The following SV2C variants were observed in gnomAD, a reference collection of about 807,000 sequenced individuals.
SV2C encodes the protein solute carrier family 22 member B3.
In SV2C, 49 loss-of-function variants were observed where a neutral mutation model predicts 79.7. The ratio of observed to expected loss-of-function variants is 0.61; its 90% CI spans 0.49 to 0.78. The LOEUF is 0.78. SV2C is among the 30% of genes least tolerant of loss of function. The pLI, the probability that SV2C is intolerant of heterozygous loss-of-function variation, is 0.00. For missense variants in SV2C, 833 were observed against 912.9 expected (o/e 0.91, Z 1.13); for synonymous variants, 334 against 333.2 (o/e 1.00, Z -0.03).
chr5:76,262,857 G>A (rs1746522640), intron 4 of SV2C, among the ~76,000 whole-genome samples: 1 of 152,120 alleles, frequency 6.6e-6, no homozygotes, highest in African/African-American at 2.4e-5. Context: ...CCAATTATGT[G>A]GTTTATTTTA....
intron 2 of SV2C, among the ~76,000 whole-genome samples, chr5:76,178,189 AC>A (rs771772563): frequency 2.6e-5 from 4 of 152,050 alleles, no homozygotes; most frequent in Non-Finnish European, 5.9e-5. Flanking sequence ...GCCTTTTATT[AC>A]CTAATCTTGA....
the SV2C span, chr5:75,910,652 C>A: frequency 9.9e-7 from 1 of 1,010,982 alleles, no homozygotes; most frequent in Admixed American, 1.7e-5. Flanking sequence ...GGATGCAGTG[C>A]AGAATGCCAA....
chr5:76,160,884 T>G lies in SV2C; in HGVS notation c.580+28554T>G, dbSNP rs111613154. ...AATCAGAAAGTCAGATAATAAGAAG[T>G]GTTGGCAAGGATTTGGAGAAATTGA... On this transcript the variant is annotated intron_variant, in intron 2 of 12. Transcript: ENST00000502798. Among the ~76,000 whole-genome samples the G allele has an allele frequency of 1.5e-3, 231 of 152,168 alleles. 1 individual carries two copies. The highest frequency in any genetic ancestry group is 5.2e-3 in the African/African-American group (216 of 41,528).
chr5:76,082,643 C>CT (rs1747033557), upstream of SV2C, among the ~76,000 whole-genome samples: 1 of 142,682 alleles, frequency 7.0e-6, no homozygotes, highest in South Asian at 2.5e-4. Flanking sequence ...CACCCCCCCC[C>CT]CCTCATATTT....
chr5:76,288,448 C>G (rs1187528476), intron 6 of SV2C, among the ~76,000 whole-genome samples: 1 of 152,140 alleles, frequency 6.6e-6, no homozygotes, highest in African/African-American at 2.4e-5. Flanking sequence ...GGACTCTCTT[C>G]TTTTGAGTAG....
chr5:75,911,384 G>C, the SV2C span: 1 of 1,183,860 alleles, frequency 8.4e-7, no homozygotes, highest in South Asian at 1.3e-5. Context: ...CCAAAGAAGA[G>C]AACCTATATC....
intron 4 of SV2C, among the ~76,000 whole-genome samples, chr5:76,228,768 CA>C (rs1257277785): frequency 6.7e-6 from 1 of 149,932 alleles, no homozygotes; most frequent in Admixed American, 6.6e-5. Flanking sequence ...TTAATTTTTA[CA>C]ACTCTTCTAT....
the SV2C span, among the ~76,000 whole-genome samples, chr5:75,944,257 C>T: frequency 1.3e-5 from 2 of 152,138 alleles, no homozygotes; most frequent in Non-Finnish European, 2.9e-5. Context: ...TTTGCCCACA[C>T]CCACTTTTGT....
chr5:76,068,182 G>T, the SV2C span, among the ~76,000 whole-genome samples: 1 of 152,020 alleles, frequency 6.6e-6, no homozygotes, highest in Non-Finnish European at 1.5e-5. Flanking sequence ...GGATAACATG[G>T]TTGTCAGTTT....
intron 12 of SV2C, among the ~76,000 whole-genome samples, chr5:76,317,815 C>A (rs552438431): frequency 6.6e-6 from 1 of 151,742 alleles, no homozygotes. Context: ...GGCAACAGAG[C>A]AAGGCCCTGC....
chr5:76,217,132 A>T (rs888588938), intron 4 of SV2C, among the ~76,000 whole-genome samples: 1 of 152,166 alleles, frequency 6.6e-6, no homozygotes. Context: ...CATGGCCTCT[A>T]TCTGGCTAGC....
the SV2C span, among the ~76,000 whole-genome samples, chr5:75,934,718 T>G: frequency 6.6e-6 from 1 of 152,172 alleles, no homozygotes; most frequent in African/African-American, 2.4e-5. Flanking sequence ...TCTTATTAAT[T>G]TCGCTTTTGA....
chr5:76,133,567 TTC>T (rs1748975717), intron 2 of SV2C, among the ~76,000 whole-genome samples: 1 of 152,210 alleles, frequency 6.6e-6, no homozygotes, highest in African/African-American at 2.4e-5. Context: ...TAGTATTTGT[TTC>T]TTTATGCTTA....
the SV2C span, among the ~76,000 whole-genome samples, chr5:75,997,830 C>T: frequency 6.6e-6 from 1 of 152,120 alleles, no homozygotes; most frequent in African/African-American, 2.4e-5. Context: ...ACCCAGCCAT[C>T]CCATTACGGG....
chr5:75,978,575 G>T, the SV2C span, among the ~76,000 whole-genome samples: 2 of 152,064 alleles, frequency 1.3e-5, no homozygotes, highest in African/African-American at 4.8e-5. Context: ...TAATGAAGTA[G>T]TTGCTCTTAT....
At chr5:75,892,827 A>T in the SV2C span, among the ~76,000 whole-genome samples, 2 of 151,952 alleles carry the variant, frequency 1.3e-5, no homozygotes, top group African/African-American at 4.8e-5. Flanking sequence ...TCCACCATTC[A>T]TGGACACCTA....
At chr5:76,090,738 C>T (rs182894764) in intron 1 of SV2C, among the ~76,000 whole-genome samples, 13 of 152,320 alleles carry the variant, frequency 8.5e-5, no homozygotes, top group Admixed American at 5.2e-4. Context: ...GATGCTATCT[C>T]TTCCAATATT....
At chr5:76,319,958 T>A (rs1465407953) in intron 12 of SV2C, among the ~76,000 whole-genome samples, 1 of 152,192 alleles carries the variant, frequency 6.6e-6, no homozygotes, top group East Asian at 1.9e-4. Context: ...CTTATCTTAC[T>A]ACTACAACAT....
intron 3 of SV2C, among the ~76,000 whole-genome samples, chr5:76,198,509 G>A (rs13160008): frequency 0.21 from 31,279 of 152,010 alleles, 3,324 homozygotes; most frequent in African/African-American, 0.22. Context: ...ACAGAACCAT[G>A]GCCAAATAAA....
Sources: allele counts gnomAD v4.1 joint callset (sites outside exome capture counted in the v4.1 genomes callset), GRCh38; gene constraint gnomAD v4.1.1; transcripts MANE v1.5; gene names NCBI Gene and HGNC (gene_info 2026-07-23, HGNC 2026-07-21).